Variants in GLRB observed in about 807,000 individuals in gnomAD.
GLRB encodes the protein glycine receptor subunit beta.
In GLRB, 33 loss-of-function variants were observed where a neutral mutation model predicts 54.2. That is an observed-to-expected ratio of 0.61 (90% confidence interval 0.46 to 0.81). The LOEUF is 0.81. GLRB is among the 40% of genes least tolerant of loss of function. The probability of loss-of-function intolerance (pLI) is 0.00; values close to 1 mark genes in which losing one functional copy is unlikely to be tolerated. For missense variants in GLRB, 572 were observed against 584.6 expected (o/e 0.98, Z 0.22); for synonymous variants, 209 against 208.2 (o/e 1.00, Z -0.03).
chr4:157,150,459 C>T (rs1736979011), intron 8 of GLRB, among the ~76,000 whole-genome samples: 1 of 152,026 alleles, frequency 6.6e-6, no homozygotes, highest in African/African-American at 2.4e-5. Context: ...TATTCTGTCA[C>T]ACCTTTTAAA....
chr4:157,124,212 G>T (rs971057847), intron 4 of GLRB, among the ~76,000 whole-genome samples: 1 of 151,448 alleles, frequency 6.6e-6, no homozygotes, highest in African/African-American at 2.4e-5. Flanking sequence ...ACTTATCCTC[G>T]GTACCAGATT....
intron 7 of GLRB, among the ~76,000 whole-genome samples, 155 bp downstream of exon 7, chr4:157,139,104 G>A (rs1736519125): frequency 6.6e-6 from 1 of 150,846 alleles, no homozygotes; most frequent in Non-Finnish European, 1.5e-5. Flanking sequence ...GTCTTTCACA[G>A]AATTGTATTC....
chr4:157,153,119 G>C, intron 9 of GLRB, 109 bp downstream of exon 9: 1 of 988,484 alleles, frequency 1.0e-6, no homozygotes, highest in Admixed American at 1.9e-5. Context: ...GCATTTGCTT[G>C]TTTTTCTCTC....
chr4:157,146,966 T>C (rs1736835230), intron 8 of GLRB, among the ~76,000 whole-genome samples: 1 of 152,058 alleles, frequency 6.6e-6, no homozygotes, highest in African/African-American at 2.4e-5. Flanking sequence ...AAACTAGAAA[T>C]ATGAAATTGA....
Position 157,137,418 on chromosome 4 carries a change from A to C in GLRB, c.610+532A>C, listed in dbSNP as rs545815906. The stretch of plus-strand genomic sequence containing the variant: ...TATTAATTGAAATTATTATTTATCT[A>C]TACAATGTACTAATTAATTTCCCAT... On this transcript the variant is annotated intron_variant, in intron 6 of 9. Transcript: ENST00000264428. Among the ~76,000 whole-genome samples, 333 of 152,108 alleles carry C rather than the reference A, an allele frequency of 2.2e-3. 1 individual carries two copies. The highest frequency in any genetic ancestry group is 7.7e-3 in the African/African-American group (319 of 41,532).
chr4:157,163,134 C>T (rs1361876264), intron 9 of GLRB, among the ~76,000 whole-genome samples: 1 of 152,174 alleles, frequency 6.6e-6, no homozygotes, highest in Non-Finnish European at 1.5e-5. Flanking sequence ...ACCCTCCGAG[C>T]CACGCATGGG....
At chr4:157,164,922 A>T (rs1397973249) in intron 9 of GLRB, among the ~76,000 whole-genome samples, 1 of 152,168 alleles carries the variant, frequency 6.6e-6, no homozygotes, top group Non-Finnish European at 1.5e-5. Flanking sequence ...TTAAACACAT[A>T]TAAGAACTTT....
chr4:157,091,930 C>T (rs934149421), intron 2 of GLRB, among the ~76,000 whole-genome samples: 3 of 152,122 alleles, frequency 2.0e-5, no homozygotes, highest in Non-Finnish European at 4.4e-5. Context: ...GTCAACTACT[C>T]TATGAACTCC....
chr4:157,086,110 G>A (rs578153374), intron 2 of GLRB, among the ~76,000 whole-genome samples: 1 of 152,160 alleles, frequency 6.6e-6, no homozygotes, highest in East Asian at 1.9e-4. Flanking sequence ...CGCGTTACAG[G>A]TATCAGCCAT....
intron 4 of GLRB, among the ~76,000 whole-genome samples, chr4:157,122,792 T>A (rs1735881530): frequency 6.6e-6 from 1 of 151,792 alleles, no homozygotes; most frequent in Non-Finnish European, 1.5e-5. Context: ...CTGAGGAGAA[T>A]CCTTGTTTTA....
At chr4:157,145,068 T>C (rs1397423722) in intron 8 of GLRB, among the ~76,000 whole-genome samples, 1 of 152,224 alleles carries the variant, frequency 6.6e-6, no homozygotes, top group Non-Finnish European at 1.5e-5. Context: ...TATATTTCTC[T>C]CAAATAATTT....
intron 2 of GLRB, among the ~76,000 whole-genome samples, chr4:157,088,111 G>T (rs1042919333): frequency 6.6e-6 from 1 of 152,136 alleles, no homozygotes. Context: ...AATAAAATAT[G>T]TTGGATACCT....
chr4:157,164,797 A>G (rs1179464653), intron 9 of GLRB, among the ~76,000 whole-genome samples: 1 of 152,138 alleles, frequency 6.6e-6, no homozygotes. Context: ...ATGAACATGG[A>G]TAGCAAGGAT....
intron 7 of GLRB, among the ~76,000 whole-genome samples, chr4:157,141,119 G>T (rs1230259352): frequency 4.0e-5 from 6 of 151,794 alleles, no homozygotes; most frequent in Non-Finnish European, 7.4e-5. Flanking sequence ...TATGGTATTT[G>T]GGTATGGAAT....
intron 8 of GLRB, among the ~76,000 whole-genome samples, chr4:157,150,842 A>G (rs1182979224): frequency 6.6e-6 from 1 of 151,978 alleles, no homozygotes; most frequent in Non-Finnish European, 1.5e-5. Context: ...CTGTCCTATC[A>G]TAACGTAGGC....
At position 157,153,001 on chromosome 4, in the gene GLRB, C is replaced by A. The variant is rs1404697258; in HGVS notation, c.1188C>A (p.Ser396Arg). The change falls in exon 9 of 10, where the codon AGC becomes AGA. Residue 396 changes from serine to arginine, a missense_variant. Coordinates refer to ENST00000264428, the MANE Select transcript of GLRB (RefSeq NM_000824.5). ...VNGTGTPVHI[S>R]TLQVGETRCK... Reference sequence around the variant, plus strand: ...GAACAGGGACTCCTGTTCATATTAGCACTTTGCAGGTAAGGATAAAATTAT... The same window carrying A: ...GAACAGGGACTCCTGTTCATATTAGAACTTTGCAGGTAAGGATAAAATTAT... The A allele has an allele frequency of 6.2e-7, 1 of 1,612,618 alleles. No homozygotes were observed. Among genetic ancestry groups the A allele is most frequent in the South Asian group, 1.1e-5 (1 of 91,046 alleles).
chr4:157,164,234 C>T (rs1481598217), intron 9 of GLRB, among the ~76,000 whole-genome samples: 1 of 151,920 alleles, frequency 6.6e-6, no homozygotes, highest in Non-Finnish European at 1.5e-5. Flanking sequence ...CATGCTTTGG[C>T]ATGACGAAGA....
Position 157,113,389 on chromosome 4 carries a change from A to T in GLRB, c.123-7167A>T, listed in dbSNP as rs148735260. The stretch of plus-strand genomic sequence containing the variant: ...TTTATGTCAAAGAGGTTTGGAGATC[A>T]TTAGCAAACCCATTAGAATTAGTGA... On this transcript the variant is annotated intron_variant, in intron 2 of 9. Coordinates refer to ENST00000264428, the MANE Select transcript of GLRB (RefSeq NM_000824.5). Among the ~76,000 whole-genome samples the T allele has an allele frequency of 2.1e-3, 313 of 152,038 alleles. 1 individual carries two copies. The highest frequency in any genetic ancestry group is 7.0e-3 in the African/African-American group (290 of 41,530).
chr4:157,166,832 C>A (rs1011598530), intron 9 of GLRB, among the ~76,000 whole-genome samples: 9 of 151,952 alleles, frequency 5.9e-5, no homozygotes, highest in African/African-American at 2.2e-4. Flanking sequence ...TGTGAATAAA[C>A]ATAATATTCT....
Sources: gnomAD v4.1 joint callset for allele counts (sites outside exome capture counted in the v4.1 genomes callset) on GRCh38, gnomAD v4.1.1 for gene constraint, MANE v1.5 for transcripts, NCBI Gene and HGNC (gene_info 2026-07-23, HGNC 2026-07-21) for gene names.